Variants in RAD18 observed in about 807,000 individuals in gnomAD.
RAD18 encodes the protein RAD18 E3 ubiquitin protein ligase, also known as E3 ubiquitin-protein ligase RAD18.
A neutral mutation model predicts 60.4 loss-of-function variants in RAD18; 47 were observed. That is an observed-to-expected ratio of 0.78 (90% CI 0.62 to 0.99). The LOEUF is 0.99. Ranked by LOEUF, RAD18 falls within the 50% of genes least tolerant of loss-of-function variation. The probability of loss-of-function intolerance (pLI) is 0.00; values close to 1 mark genes in which losing one functional copy is unlikely to be tolerated. For missense variants in RAD18, 640 were observed against 593.3 expected, an observed-to-expected ratio of 1.08 and a Z score of -0.82; for synonymous variants, 225 against 195.5, an observed-to-expected ratio of 1.15 and a Z score of -1.26.
chr3:8,944,564 G>A (rs11719819), intron 4 of RAD18, among the ~76,000 whole-genome samples: 11,865 of 148,412 alleles, frequency 0.08, 541 homozygotes, highest in South Asian at 0.14. Flanking sequence ...GAAAGGGAGG[G>A]AGGAATAGAC....
intron 7 of RAD18, among the ~76,000 whole-genome samples, chr3:8,923,068 G>A (rs1368869986): frequency 2.0e-5 from 3 of 152,240 alleles, no homozygotes; most frequent in African/African-American, 7.2e-5. Context: ...GACAGAGAAT[G>A]ACTTCGACGA....
intron 7 of RAD18, among the ~76,000 whole-genome samples, chr3:8,932,397 A>T (rs186350678): frequency 1.3e-5 from 2 of 152,316 alleles, no homozygotes; most frequent in African/African-American, 4.8e-5. Context: ...AGCAAATAAA[A>T]CTATCAAAAG....
chr3:8,940,310 C>A lies in RAD18; in HGVS notation c.605-657G>T, dbSNP rs533714016. ...AACAATCTGTTTTATCTATTTTATA[C>A]GTTATGGTTTATCGTAAAATTTCAT... On this transcript the variant is annotated intron_variant, in intron 5 of 12. Coordinates refer to ENST00000264926, the MANE Select transcript of RAD18 (RefSeq NM_020165.4). Among the ~76,000 whole-genome samples, 20 of 151,994 alleles carry A rather than the reference C, an allele frequency of 1.3e-4. No homozygotes were observed. The South Asian group carries it at 1.5e-3, about 11-fold the overall frequency.
intron 12 of RAD18, among the ~76,000 whole-genome samples, chr3:8,882,517 T>C (rs1939485461): frequency 6.6e-6 from 1 of 152,108 alleles, no homozygotes; most frequent in Non-Finnish European, 1.5e-5. Flanking sequence ...AGGGCCTACC[T>C]AAGACTCAGG....
chr3:8,905,315 G>A (rs958131029), intron 9 of RAD18, among the ~76,000 whole-genome samples: 1 of 152,028 alleles, frequency 6.6e-6, no homozygotes, highest in Admixed American at 6.6e-5. Flanking sequence ...ATCTTTTTTA[G>A]AACGAAATCA....
chr3:8,958,602 TA>T (rs1941048144), intron 2 of RAD18, among the ~76,000 whole-genome samples: 1 of 152,188 alleles, frequency 6.6e-6, no homozygotes, highest in African/African-American at 2.4e-5. Flanking sequence ...GTTATCCTGT[TA>T]AAAACAAAAA....
chr3:8,958,990 A>G lies in RAD18; in HGVS notation c.63T>C (p.Asp21=). The change falls in exon 2 of 13, where the codon GAT becomes GAC. Residue 21 remains aspartate, a synonymous_variant. Transcript: ENST00000264926. The part of the protein sequence containing the change: ...PGLAVMKTID[D]LLRCGICFEY... ...CGAAGCAAATTCCACACCGCAGCAA[A>G]TCATCTATTGTCTGAAATGCAAATA... 1 of 1,613,636 alleles carries G rather than the reference A, an allele frequency of 6.2e-7. No homozygotes were observed. Among genetic ancestry groups the G allele is most frequent in the Non-Finnish European group, 8.5e-7 (1 of 1,179,592 alleles).
At chr3:8,931,091 G>C (rs1304160065) in intron 7 of RAD18, among the ~76,000 whole-genome samples, 1 of 151,994 alleles carries the variant, frequency 6.6e-6, no homozygotes, top group Non-Finnish European at 1.5e-5. Flanking sequence ...GTTTTTATTG[G>C]CATGTAACTT....
rs1412887515 is a variant in RAD18, at chr3:8,902,410, A to C, written c.1138T>G (p.Ser380Ala). Reference protein sequence around the residue: ...KTVTITKEDESTEKLSSVCMG... With the variant: ...KTVTITKEDEATEKLSSVCMG... ...CATACAGAAGATAGCTTTTCTGTAGATTCATCTTCTTTTGTTATTGTTACT... is the reference window on the plus strand; with the variant it reads ...CATACAGAAGATAGCTTTTCTGTAGCTTCATCTTCTTTTGTTATTGTTACT... Residue 380 changes from serine (S) to alanine (A), a missense_variant, in exon 10 of 13, where the codon TCT becomes GCT. Physicochemically the swap from Ser to Ala is moderately conservative, Grantham distance 99. Coordinates refer to ENST00000264926, the MANE Select transcript of RAD18 (RefSeq NM_020165.4). 5.0e-6 allele frequency: 8 copies of C among 1,608,278 alleles called. No homozygotes were observed. In the South Asian group the frequency reaches 8.8e-5, roughly 18 times the overall value.
chr3:8,937,804 G>C (rs1940677696), intron 6 of RAD18, among the ~76,000 whole-genome samples: 1 of 152,164 alleles, frequency 6.6e-6, no homozygotes, highest in African/African-American at 2.4e-5. Flanking sequence ...CACTAAGAGG[G>C]GGATCCAGGA....
At position 8,881,115 on chromosome 3, in the gene RAD18, C is replaced by A. The variant is rs576163411; in HGVS notation, c.*242G>T. On this transcript the variant is annotated 3_prime_UTR_variant, in exon 13 of 13. Coordinates refer to ENST00000264926, the MANE Select transcript of RAD18 (RefSeq NM_020165.4). ...GTCTACCTCCTCTGCAAAGCTGGTA[C>A]CTGTGTGAAATGTCAGTATTTTTAG... The A allele has an allele frequency of 7.0e-6, 3 of 429,782 alleles. No homozygotes were observed. Among genetic ancestry groups the A allele is most frequent in the Non-Finnish European group, 1.3e-5 (3 of 238,380 alleles). 26.6% of individuals were successfully genotyped at this position (429,782 alleles called of 1,614,324 possible). A position where few individuals can be genotyped will look rare whatever the true frequency, so the allele number is the denominator to read the frequency against.
chr3:8,941,619 T>A lies in RAD18; in HGVS notation c.452A>T (p.Lys151Ile), dbSNP rs369058215. ...AGGGCTGAATTTGCTTTTATTTTCT[T>A]TTATCAACAACTCTGATGTAGAACC... Reference protein sequence around the residue: ...MSGSTSELLIKENKSKFSPQK... With the variant: ...MSGSTSELLIIENKSKFSPQK... Residue 151 changes from lysine (K) to isoleucine (I), a missense_variant, in exon 5 of 13, where the codon AAA becomes ATA. By Grantham distance (102) the Lys-to-Ile change is moderately radical. Transcript: ENST00000264926. 3.1e-6 allele frequency: 5 copies of A among 1,614,054 alleles called. No homozygotes were observed. Among genetic ancestry groups the A allele is most frequent in the Non-Finnish European group, 4.2e-6 (5 of 1,180,032 alleles).
chr3:8,944,801 T>C (rs1210222528), intron 4 of RAD18, among the ~76,000 whole-genome samples: 1 of 152,168 alleles, frequency 6.6e-6, no homozygotes, highest in East Asian at 1.9e-4. Context: ...CCATTAAATC[T>C]ATGCAATCAA....
rs561375266 is a variant in RAD18, at chr3:8,948,175, T to TA, written c.195+333dup. On this transcript the variant is annotated intron_variant, in intron 3 of 12. Transcript: ENST00000264926. ...CATATTTACCTTCTGCACAAATACT[T>TA]AGACAGTTCTTTGCAAATGAATAAT... 3.5e-4 allele frequency among the ~76,000 whole-genome samples: 53 copies of TA among 152,304 alleles called. No homozygotes were observed. In the South Asian group the frequency reaches 0.011, roughly 31 times the overall value.
At chr3:8,926,133 C>T (rs1478386900) in intron 7 of RAD18, among the ~76,000 whole-genome samples, 15 of 152,072 alleles carry the variant, frequency 9.9e-5, no homozygotes, top group Admixed American at 9.8e-4. Flanking sequence ...TCCCTGTTTG[C>T]AGATGACATG....
At chr3:8,882,631 G>A (rs568231267) in intron 12 of RAD18, among the ~76,000 whole-genome samples, 2 of 152,334 alleles carry the variant, frequency 1.3e-5, no homozygotes, top group East Asian at 1.9e-4. Context: ...CAGACATGGT[G>A]AAGATATGCC....
intron 7 of RAD18, among the ~76,000 whole-genome samples, chr3:8,923,087 A>G (rs627699): frequency 0.69 from 104,654 of 151,572 alleles, 36,648 homozygotes; most frequent in Middle Eastern, 0.77. Context: ...GAGTTGAGAG[A>G]AGAACGCTTC....
chr3:8,919,975 G>A (rs570317923), intron 7 of RAD18, among the ~76,000 whole-genome samples: 11 of 152,310 alleles, frequency 7.2e-5, no homozygotes, highest in Middle Eastern at 3.4e-3. Flanking sequence ...ATATTCATAA[G>A]AGACAAATAA....
chr3:8,952,584 A>C (rs1940944044), intron 2 of RAD18, among the ~76,000 whole-genome samples: 1 of 152,224 alleles, frequency 6.6e-6, no homozygotes, highest in African/African-American at 2.4e-5. Flanking sequence ...TGTCACTATT[A>C]AGTTGAATTA....
Sources: allele counts gnomAD v4.1 joint callset (sites outside exome capture counted in the v4.1 genomes callset), GRCh38; gene constraint gnomAD v4.1.1; transcripts MANE v1.5; gene names NCBI Gene and HGNC (gene_info 2026-07-23, HGNC 2026-07-21).